CCDC6: variants seen among roughly 807,000 people sequenced by gnomAD.
CCDC6 encodes the protein coiled-coil domain-containing protein 6.
A neutral mutation model predicts 56.6 loss-of-function variants in CCDC6; 20 were observed. The ratio of observed to expected loss-of-function variants is 0.35; its 90% CI spans 0.25 to 0.51. The LOEUF is 0.51. CCDC6 is among the 20% of genes least tolerant of loss of function. The pLI, the probability that CCDC6 is intolerant of heterozygous loss-of-function variation, is 0.95. For synonymous variants in CCDC6, 241 were observed against 234.4 expected (o/e 1.03, Z -0.26); for missense variants, 367 against 601.1 (o/e 0.61, Z 4.07).
At chr10:59,829,771 T>C (rs1041049445) in intron 3 of CCDC6, among the ~76,000 whole-genome samples, 1 of 152,204 alleles carries the variant, frequency 6.6e-6, no homozygotes, top group South Asian at 2.1e-4. Context: ...AGGTGACAGA[T>C]GAATGGTACG....
chr10:59,893,756 A>G (rs2071442318), intron 1 of CCDC6, among the ~76,000 whole-genome samples: 1 of 152,192 alleles, frequency 6.6e-6, no homozygotes, highest in Admixed American at 6.5e-5. Flanking sequence ...TACAAAGAAA[A>G]GTGAGCAGTT....
intron 1 of CCDC6, among the ~76,000 whole-genome samples, chr10:59,901,717 T>C (rs2071504787): frequency 1.3e-5 from 2 of 152,192 alleles, no homozygotes; most frequent in Non-Finnish European, 2.9e-5. Flanking sequence ...GCCCTGCTTA[T>C]ACACGGAGAA....
chr10:59,842,975 G>C (rs1239715237), intron 2 of CCDC6, among the ~76,000 whole-genome samples: 1 of 151,838 alleles, frequency 6.6e-6, no homozygotes, highest in South Asian at 2.1e-4. Context: ...GGATGGTCTC[G>C]ATCTCCCGAC....
intron 1 of CCDC6, among the ~76,000 whole-genome samples, chr10:59,869,421 A>G (rs1308718596): frequency 2.4e-5 from 1 of 42,460 alleles, no homozygotes; most frequent in Admixed American, 3.2e-4. Context: ...AAAAAAAAAC[A>G]GAAAAAAGAA....
chr10:59,895,940 A>G (rs1231004266), intron 1 of CCDC6, among the ~76,000 whole-genome samples: 3 of 152,212 alleles, frequency 2.0e-5, no homozygotes, highest in Admixed American at 6.5e-5. Flanking sequence ...GATGAGCCCC[A>G]GTAAAAATTC....
At position 59,850,038 on chromosome 10, in the gene CCDC6, T is replaced by C. The variant is rs1000046039; in HGVS notation, c.453+2515A>G. ...TGGACAACAATAGAGGTCAGGTTCT[T>C]AGGCACTATCAAAAAATAGACATGT... On this transcript the variant is annotated intron_variant, in intron 2 of 8. Coordinates refer to ENST00000263102, the MANE Select transcript of CCDC6 (RefSeq NM_005436.5). Among the ~76,000 whole-genome samples the C allele has an allele frequency of 3.9e-5, 6 of 152,308 alleles. No homozygotes were observed. In the East Asian group the frequency reaches 9.7e-4, roughly 25 times the overall value.
chr10:59,804,530 G>A lies in CCDC6; in HGVS notation c.1005-10C>T, dbSNP rs764402401. 7 of 1,528,734 alleles carry A rather than the reference G, an allele frequency of 4.6e-6. No homozygotes were observed. Among genetic ancestry groups the A allele is most frequent in the Admixed American group, 3.3e-5 (2 of 59,884 alleles). 94.7% of individuals were successfully genotyped at this position (1,528,734 alleles called of 1,614,324 possible). A position where few individuals can be genotyped will look rare whatever the true frequency, so the allele number is the denominator to read the frequency against. ...CATCTCATTAAAATACCTAAGAGGA[G>A]AGAGGAGGAAACGATAAAACCACCT... On this transcript the variant is annotated splice_polypyrimidine_tract_variant and intron_variant, in intron 6 of 8. Transcript: ENST00000263102.
chr10:59,906,551 G>A lies in CCDC6; in HGVS notation c.-127C>T. The A allele has an allele frequency of 1.3e-6, 1 of 786,092 alleles. No homozygotes were observed. The highest frequency in any genetic ancestry group is 1.9e-6 in the Non-Finnish European group (1 of 534,900). The allele number at this position is 786,092 out of a possible 1,614,324, so 48.7% of individuals were successfully genotyped here. On this transcript the variant is annotated 5_prime_UTR_variant, in exon 1 of 9. Coordinates refer to ENST00000263102, the MANE Select transcript of CCDC6 (RefSeq NM_005436.5). ...CGAGCTGAGCGCCTGGCACCAGGGC[G>A]CAGACTCGGAGCGGCGGCGAGAGAA...
intron 3 of CCDC6, among the ~76,000 whole-genome samples, chr10:59,825,311 G>A (rs1469633827): frequency 6.6e-6 from 1 of 152,184 alleles, no homozygotes; most frequent in Admixed American, 6.5e-5. Context: ...TTTATCAGGG[G>A]TTTCTGCTTT....
rs2070682776 is a variant in CCDC6 at position 59,812,728 on chromosome 10, T to C, written c.754A>G (p.Ile252Val). 6.2e-7 allele frequency: 1 copy of C among 1,612,236 alleles called. No homozygotes were observed. Among genetic ancestry groups the C allele is most frequent in the Non-Finnish European group, 8.5e-7 (1 of 1,178,436 alleles). ...CGCATCATATTTTCTGGAGAATCAA[T>C]CTCCATGGAGATATCTCTAGGCGAT... ...PPSPRDISME[I>V]DSPENMMRHI... Residue 252 changes from isoleucine (I) to valine (V), a missense_variant, in exon 5 of 9, where the codon ATT becomes GTT. Coordinates refer to ENST00000263102, the MANE Select transcript of CCDC6 (RefSeq NM_005436.5).
At chr10:59,863,226 T>G (rs1385462589) in intron 1 of CCDC6, among the ~76,000 whole-genome samples, 1 of 152,216 alleles carries the variant, frequency 6.6e-6, no homozygotes, top group African/African-American at 2.4e-5. Context: ...GTAGATGCAA[T>G]GGTATCAGTA....
intron 1 of CCDC6, among the ~76,000 whole-genome samples, chr10:59,904,959 C>G (rs1373030623): frequency 6.6e-6 from 1 of 152,246 alleles, no homozygotes; most frequent in Non-Finnish European, 1.5e-5. Context: ...AGGTGTGACC[C>G]TCTATCCCCA....
rs373321903 is a variant in CCDC6, at chr10:59,841,282, T to G, written c.454-8629A>C. Among the ~76,000 whole-genome samples the G allele has an allele frequency of 8.5e-4, 130 of 152,328 alleles. No homozygotes were observed. In the Middle Eastern group the frequency reaches 0.01, roughly 12 times the overall value. Reference sequence around the variant, plus strand: ...CCCACAAAAATCTATTTGGCTAGCTTCTTCTCCCAGATTTTGCTTAAGTAT... The same window carrying G: ...CCCACAAAAATCTATTTGGCTAGCTGCTTCTCCCAGATTTTGCTTAAGTAT... On this transcript the variant is annotated intron_variant, in intron 2 of 8. Transcript: ENST00000263102.
chr10:59,904,642 C>G (rs926205042), intron 1 of CCDC6, among the ~76,000 whole-genome samples: 2 of 152,192 alleles, frequency 1.3e-5, no homozygotes, highest in Non-Finnish European at 2.9e-5. Flanking sequence ...TGCAAATTCC[C>G]CGCCCCCCAC....
intron 2 of CCDC6, among the ~76,000 whole-genome samples, chr10:59,846,712 T>C (rs1246261244): frequency 6.6e-6 from 1 of 152,226 alleles, no homozygotes; most frequent in Non-Finnish European, 1.5e-5. Context: ...ACAAATCTAT[T>C]GATTATTTTA....
chr10:59,835,303 C>T (rs539975190), intron 2 of CCDC6, among the ~76,000 whole-genome samples: 1 of 152,282 alleles, frequency 6.6e-6, no homozygotes, highest in Non-Finnish European at 1.5e-5. Context: ...AATGTTGTAA[C>T]ATCTGAGGAA....
At chr10:59,825,307 AGG>A (rs1475149661) in intron 3 of CCDC6, among the ~76,000 whole-genome samples, 1 of 152,182 alleles carries the variant, frequency 6.6e-6, no homozygotes, top group East Asian at 1.9e-4. Context: ...TGGCTTTATC[AGG>A]GGTTTCTGCT....
At chr10:59,876,521 G>A (rs182097269) in intron 1 of CCDC6, among the ~76,000 whole-genome samples, 46 of 149,070 alleles carry the variant, frequency 3.1e-4, no homozygotes, top group Middle Eastern at 3.5e-3. Flanking sequence ...CCCTTAACTA[G>A]GCAAGGTCCA....
At position 59,858,848 on chromosome 10, in the gene CCDC6, T is replaced by C. The variant is rs1031047107; in HGVS notation, c.304-6146A>G. 2.6e-5 allele frequency among the ~76,000 whole-genome samples: 4 copies of C among 152,298 alleles called. No individual in the cohort carries two copies. The East Asian group carries it at 5.8e-4, about 22-fold the overall frequency. On this transcript the variant is annotated intron_variant, in intron 1 of 8. Transcript: ENST00000263102. ...TATTTTCTTATGGGCAAGGGACACA[T>C]AGTTGAAGTACTAGCCTGCAGACCA...
Sources: gnomAD v4.1 joint callset for allele counts (sites outside exome capture counted in the v4.1 genomes callset) on GRCh38, gnomAD v4.1.1 for gene constraint, MANE v1.5 for transcripts, NCBI Gene and HGNC (gene_info 2026-07-23, HGNC 2026-07-21) for gene names.